Variants in AGBL5 observed in about 807,000 individuals in gnomAD.
AGBL5 encodes cytosolic carboxypeptidase-like protein 5.
AGBL5 carries 51 observed loss-of-function variants against 88.0 expected under a neutral mutation model. The observed-to-expected ratio is 0.58, with a 90% confidence interval of 0.46 to 0.73. AGBL5 has a LOEUF of 0.73. Ranked by LOEUF, AGBL5 falls within the 30% of genes least tolerant of loss-of-function variation. AGBL5 has a pLI of 0.00. For missense variants in AGBL5, 1,031 were observed against 1,162.2 expected, an observed-to-expected ratio of 0.89 and a Z score of 1.64; for synonymous variants, 446 against 438.8, an observed-to-expected ratio of 1.02 and a Z score of -0.21.
At chr2:27,058,274 A>T in intron 9 of AGBL5, 126 bp from the exon 10 acceptor site, 1 of 1,071,646 alleles carries the variant, frequency 9.3e-7, no homozygotes, top group Non-Finnish European at 1.4e-6. Flanking sequence ...CACAAAGGTT[A>T]GGGCATCCAA....
Position 27,068,724 on chromosome 2 carries a change from T to G in AGBL5, c.2335T>G (p.Cys779Gly). 6.2e-7 allele frequency: 1 copy of G among 1,614,114 alleles called. No individual in the cohort carries two copies. The highest frequency in any genetic ancestry group is 1.3e-5 in the African/African-American group (1 of 75,036). Reference protein sequence around the residue: ...GLLGTGARMPCIKTRLQARPR... With the variant: ...GLLGTGARMPGIKTRLQARPR... ...GCTAGGGACTGGAGCTCGGATGCCC[T>G]GCATCAAGACTCGATTGCAGGTAAT... Residue 779 changes from cysteine to glycine, a missense_variant, in exon 13 of 15, where the codon TGC becomes GGC. Cys to Gly is a radical substitution (Grantham distance 159, BLOSUM62 -3). Coordinates refer to ENST00000360131, the MANE Select transcript of AGBL5 (RefSeq NM_021831.6).
In AGBL5 at chr2:27,052,906, C is replaced by T. The variant is rs1269398621; in HGVS notation, c.-46-7C>T. Reference sequence around the variant, plus strand: ...TCCTCCTTAACCTAACCCTTGTTTTCCCCCAGCTCTCAGGGCCAGAGCGGG... The same window carrying T: ...TCCTCCTTAACCTAACCCTTGTTTTTCCCCAGCTCTCAGGGCCAGAGCGGG... On this transcript the variant is annotated splice_polypyrimidine_tract_variant and splice_region_variant and intron_variant, in intron 1 of 14. Coordinates refer to ENST00000360131, the MANE Select transcript of AGBL5 (RefSeq NM_021831.6). 4.1e-6 allele frequency: 6 copies of T among 1,466,334 alleles called. No individual in the cohort carries two copies. The highest frequency in any genetic ancestry group is 4.6e-6 in the Non-Finnish European group (5 of 1,093,872). The allele number at this position is 1,466,334 out of a possible 1,614,324, so 90.8% of individuals were successfully genotyped here. A position where few individuals can be genotyped will look rare whatever the true frequency, so the allele number is the denominator to read the frequency against.
At position 27,056,220 on chromosome 2, in the gene AGBL5, T is replaced by C. The variant is rs1044082314; in HGVS notation, c.1365+82T>C. Reference sequence around the variant, plus strand: ...GGTTAGGCCATGAACAGAAGGAAGATAGCCTTAGGTAGCTTTCTGGAAGGA... The same window carrying C: ...GGTTAGGCCATGAACAGAAGGAAGACAGCCTTAGGTAGCTTTCTGGAAGGA... On this transcript the variant is annotated intron_variant, in intron 7 of 14. Transcript: ENST00000360131. The C allele has an allele frequency of 4.7e-5, 66 of 1,407,772 alleles. No homozygotes were observed. The African/African-American group carries it at 8.0e-4, about 17-fold the overall frequency. The allele number at this position is 1,407,772 out of a possible 1,614,324, so 87.2% of individuals were successfully genotyped here. A position where few individuals can be genotyped will look rare whatever the true frequency, so the allele number is the denominator to read the frequency against.
At chr2:27,057,004 AAAC>A in intron 8 of AGBL5, 1 of 596,370 alleles carries the variant, frequency 1.7e-6, no homozygotes, top group Non-Finnish European at 2.8e-6. Flanking sequence ...CTCAAAAAAA[AAAC>A]AAAAAACAAC....
At chr2:27,056,587 T>A (rs1044132895) in intron 7 of AGBL5, 36 bp from the exon 8 acceptor site, 9 of 1,562,196 alleles carry the variant, frequency 5.8e-6, no homozygotes, top group African/African-American at 1.4e-5. Flanking sequence ...GTCCCTTCTG[T>A]CTCTCCTTCT....
In AGBL5 at chr2:27,055,794, C is replaced by T. The variant is rs143744999; in HGVS notation, c.1021C>T (p.Arg341Cys). 17 of 1,614,214 alleles carry T rather than the reference C, an allele frequency of 1.1e-5. No homozygotes were observed. The East Asian group carries it at 2.9e-4, about 28-fold the overall frequency. The change falls in exon 7 of 15, where the codon CGT becomes TGT. Residue 341 changes from arginine to cysteine, a missense_variant. Arg to Cys is a radical substitution (Grantham distance 180). Transcript: ENST00000360131. ...AVLLYHHVHSRLNSQSSSEHQ... is the reference protein window; with the variant it reads ...AVLLYHHVHSCLNSQSSSEHQ... ...GCTTCTCTACCACCATGTGCACTCT[C>T]GTCTGAACTCCCAGAGTTCCTCTGA...
At chr2:27,069,744 C>G in intron 14 of AGBL5, 38 bp downstream of exon 14, 1 of 1,576,826 alleles carries the variant, frequency 6.3e-7, no homozygotes, top group South Asian at 1.1e-5. Flanking sequence ...CCACCCCTCA[C>G]TTCTGTCCCC....
chr2:27,053,598 A>G lies in AGBL5; in HGVS notation c.387+25A>G. 6.3e-7 allele frequency: 1 copy of G among 1,594,818 alleles called. No homozygotes were observed. The highest frequency in any genetic ancestry group is 8.5e-7 in the Non-Finnish European group (1 of 1,172,106). The stretch of plus-strand genomic sequence containing the variant: ...GGTAAGTTCTCCATGAGGAGGAAAG[A>G]AAGACTTGGGTGCTAAAAGTAGAGA... On this transcript the variant is annotated intron_variant, in intron 3 of 14. Coordinates refer to ENST00000360131, the MANE Select transcript of AGBL5 (RefSeq NM_021831.6). The surrounding 1 kb of genome is among the most constrained non-coding windows in gnomAD (Gnocchi z 4.9).
chr2:27,055,297 T>C, intron 6 of AGBL5, 44 bp downstream of exon 6: 5 of 1,591,638 alleles, frequency 3.1e-6, no homozygotes, highest in Non-Finnish European at 4.3e-6. Context: ...CCATTTCCCC[T>C]CATGCCCTGC....
In AGBL5 at chr2:27,068,659, G is replaced by A; in HGVS notation, c.2270G>A (p.Gly757Glu). 6.2e-7 allele frequency: 1 copy of A among 1,614,050 alleles called. No homozygotes were observed. The highest frequency in any genetic ancestry group is 2.2e-5 in the East Asian group (1 of 44,884). ...AGCAGTTGCTCACTCTTGTCCTCTG[G>A]AGACAAACCAGAGGCTGTCATGGTA... ...PGSSCSLLSS[G>E]DKPEAVMVIG... The change falls in exon 13 of 15, where the codon GGA (glycine) becomes GAA (glutamate). Residue 757 changes from glycine (G) to glutamate (E), a missense_variant. Coordinates refer to ENST00000360131, the MANE Select transcript of AGBL5 (RefSeq NM_021831.6).
upstream of AGBL5, among the ~76,000 whole-genome samples, chr2:27,050,550 T>A (rs1221166372): frequency 6.6e-6 from 1 of 152,228 alleles, no homozygotes; most frequent in Non-Finnish European, 1.5e-5. Context: ...GGGAACATTT[T>A]GTTAAAAAGC....
Position 27,070,510 on chromosome 2 carries a change from G to C in AGBL5, c.*247G>C, listed in dbSNP as rs928957075. The C allele has an allele frequency of 2.5e-5, 12 of 483,876 alleles. No individual in the cohort carries two copies. The highest frequency in any genetic ancestry group is 1.1e-3 in the Middle Eastern group (2 of 1,820). The allele number at this position is 483,876 out of a possible 1,614,324, so 30.0% of individuals were successfully genotyped here. A position where few individuals can be genotyped will look rare whatever the true frequency, so the allele number is the denominator to read the frequency against. On this transcript the variant is annotated 3_prime_UTR_variant, in exon 15 of 15. Coordinates refer to ENST00000360131, the MANE Select transcript of AGBL5 (RefSeq NM_021831.6). ...AAAAAAAGTCTATATTTTTATATTG[G>C]GGGGAGGGAGTAGAAAAGCAAGCCC... is the stretch of plus-strand genomic sequence containing the variant.
At position 27,056,744 on chromosome 2, in the gene AGBL5, A is replaced by G; in HGVS notation, c.1487A>G (p.Glu496Gly). 1 of 1,613,696 alleles carries G rather than the reference A, an allele frequency of 6.2e-7. No homozygotes were observed. ...GACCGTAGAGATGGCCAGTCTAAAG[A>G]GGGAAGCGGCCGTGTTGCAATCTAC... ...ARDRRDGQSK[E>G]GSGRVAIYKA... The change falls in exon 8 of 15, where the codon GAG (glutamate) becomes GGG (glycine). Residue 496 changes from glutamate (E) to glycine (G), a missense_variant. Glu to Gly is a moderately conservative substitution (Grantham distance 98). Transcript: ENST00000360131.
In AGBL5 at chr2:27,054,676, CTGGA is replaced by C. The variant is rs769651565; in HGVS notation, c.603_606del (p.Gly202PhefsTer3). 3.1e-6 allele frequency: 5 copies of C among 1,613,996 alleles called. No individual in the cohort carries two copies. Among genetic ancestry groups the C allele is most frequent in the African/African-American group, 1.3e-5 (1 of 74,894 alleles). ...CCATCGGGAGCTCCTTTGCTATTCT[CTGGA>C]TGGACTTCGTGTAGATCTGCTGACG... is the stretch of plus-strand genomic sequence containing the variant. On this transcript the variant is annotated frameshift_variant, in exon 5 of 15. Coordinates refer to ENST00000360131, the MANE Select transcript of AGBL5 (RefSeq NM_021831.6). LOFTEE classifies it high-confidence loss of function.
At chr2:27,058,942 G>C (rs1170143474) in intron 10 of AGBL5, among the ~76,000 whole-genome samples, 2 of 152,234 alleles carry the variant, frequency 1.3e-5, no homozygotes, top group African/African-American at 2.4e-5. Flanking sequence ...TCAGTGCCAA[G>C]GCAGTAGGGG....
At chr2:27,068,365 G>A (rs912199539) in intron 12 of AGBL5, among the ~76,000 whole-genome samples, 2 of 152,124 alleles carry the variant, frequency 1.3e-5, no homozygotes, top group Non-Finnish European at 2.9e-5. Context: ...CTCAACCAGG[G>A]GTGATTTTGC....
intron 9 of AGBL5, among the ~76,000 whole-genome samples, chr2:27,058,071 C>T (rs965936413): frequency 3.3e-5 from 5 of 151,030 alleles, no homozygotes; most frequent in Admixed American, 1.3e-4. Context: ...GATCAAGATG[C>T]CGTCTCAAAA....
At position 27,053,942 on chromosome 2, in the gene AGBL5, A is replaced by G; in HGVS notation, c.434A>G (p.Glu145Gly). ...FVLSFVHRFVEGRGATTFFAF... is the reference protein window; with the variant it reads ...FVLSFVHRFVGGRGATTFFAF... ...TTATCCTTTGTTCATCGTTTCGTGGAGGGCCGTGGGGCCACCACCTTCTTC... is the reference window on the plus strand; with the variant it reads ...TTATCCTTTGTTCATCGTTTCGTGGGGGGCCGTGGGGCCACCACCTTCTTC... Residue 145 changes from glutamate (E) to glycine (G), a missense_variant, in exon 4 of 15, where the codon GAG becomes GGG. By Grantham distance (98) the Glu-to-Gly change is moderately conservative. Transcript: ENST00000360131. This position sits in a 1 kb window ranked among gnomAD's most constrained non-coding sequence, Gnocchi z 4.9. 1 of 1,614,046 alleles carries G rather than the reference A, an allele frequency of 6.2e-7. No individual in the cohort carries two copies. Among genetic ancestry groups the G allele is most frequent in the East Asian group, 2.2e-5 (1 of 44,878 alleles).
In AGBL5 at chr2:27,067,628, G is replaced by A; in HGVS notation, c.2224G>A (p.Asp742Asn). The A allele has an allele frequency of 6.2e-7, 1 of 1,613,132 alleles. No individual in the cohort carries two copies. The highest frequency in any genetic ancestry group is 1.1e-5 in the South Asian group (1 of 91,030). ...SHKLGSCLLP[D>N]SFNIPGSSCS... Reference sequence around the variant, plus strand: ...CAAGCTGGGCTCCTGTCTACTGCCTGATTCATTCAACATACCAGGTCTGTA... The same window carrying A: ...CAAGCTGGGCTCCTGTCTACTGCCTAATTCATTCAACATACCAGGTCTGTA... The change falls in exon 12 of 15, where the codon GAT becomes AAT. Residue 742 changes from aspartate (D) to asparagine (N), a missense_variant. Coordinates refer to ENST00000360131, the MANE Select transcript of AGBL5 (RefSeq NM_021831.6).
Sources: gnomAD v4.1 joint callset for allele counts (sites outside exome capture counted in the v4.1 genomes callset) on GRCh38, gnomAD v4.1.1 for gene constraint, Gnocchi (gnomAD v3.1) non-coding constraint, MANE v1.5 for transcripts, NCBI Gene and HGNC (gene_info 2026-07-23, HGNC 2026-07-21) for gene names.